The following CA10 variants were observed in gnomAD, a reference collection of about 807,000 sequenced individuals.
CA10 encodes the protein carbonic anhydrase 10 (inactive).
A neutral mutation model predicts 44.2 loss-of-function variants in CA10; 14 were observed. The ratio of observed to expected loss-of-function variants is 0.32; its 90% CI spans 0.21 to 0.50. The LOEUF is 0.50. Ranked by LOEUF, CA10 falls within the 20% of genes least tolerant of loss-of-function variation. The pLI, the probability that CA10 is intolerant of heterozygous loss-of-function variation, is 0.99. For missense variants in CA10, 350 were observed against 409.7 expected, an observed-to-expected ratio of 0.85 and a Z score of 1.26; for synonymous variants, 159 against 141.6, an observed-to-expected ratio of 1.12 and a Z score of -0.87.
intron 3 of CA10, among the ~76,000 whole-genome samples, chr17:51,821,768 A>G (rs150070130): frequency 0.013 from 1,968 of 152,154 alleles, 69 homozygotes; most frequent in African/African-American, 0.045. Flanking sequence ...CCTGAAGACT[A>G]CTTAATACCA....
chr17:51,951,572 A>G (rs1229249756), intron 2 of CA10, among the ~76,000 whole-genome samples: 1 of 152,226 alleles, frequency 6.6e-6, no homozygotes, highest in Non-Finnish European at 1.5e-5. Context: ...ATTTTTTAAA[A>G]AAATGACAAA....
At chr17:52,038,698 G>C in intron 2 of CA10, among the ~76,000 whole-genome samples, 1 of 152,170 alleles carries the variant, frequency 6.6e-6, no homozygotes, top group Non-Finnish European at 1.5e-5. Context: ...TATTTTGCAG[G>C]CATTTTGCAA....
intron 2 of CA10, among the ~76,000 whole-genome samples, chr17:52,054,344 T>C (rs1987164000): frequency 1.3e-5 from 2 of 152,010 alleles, no homozygotes; most frequent in African/African-American, 4.8e-5. Context: ...ATGAGGAAAT[T>C]CCCGCCTAAT....
At chr17:51,725,545 C>T (rs1409802229) in intron 4 of CA10, among the ~76,000 whole-genome samples, 1 of 152,182 alleles carries the variant, frequency 6.6e-6, no homozygotes, top group Non-Finnish European at 1.5e-5. Context: ...TCCACACATC[C>T]CTAGGATGTG....
At chr17:51,803,986 C>T (rs993356248) in intron 3 of CA10, among the ~76,000 whole-genome samples, 16 of 152,140 alleles carry the variant, frequency 1.1e-4, no homozygotes, top group Non-Finnish European at 2.2e-4. Flanking sequence ...ACTCACTGGC[C>T]GTGTGATCTT....
At chr17:51,771,158 T>G (rs1330316144) in intron 3 of CA10, among the ~76,000 whole-genome samples, 1 of 134,362 alleles carries the variant, frequency 7.4e-6, no homozygotes, top group East Asian at 2.4e-4. Flanking sequence ...AGACCAGATC[T>G]CCTGTGAACC....
intron 4 of CA10, among the ~76,000 whole-genome samples, chr17:51,717,437 G>A (rs1331574003): frequency 1.3e-5 from 2 of 150,222 alleles, no homozygotes; most frequent in Non-Finnish European, 3.0e-5. Flanking sequence ...AAAGATACTT[G>A]TGCACGCATA....
At chr17:52,004,970 T>C (rs1365622614) in intron 2 of CA10, among the ~76,000 whole-genome samples, 4 of 151,842 alleles carry the variant, frequency 2.6e-5, no homozygotes, top group African/African-American at 9.7e-5. Flanking sequence ...CCTCAAGTCA[T>C]AAACTTGTCT....
intron 4 of CA10, among the ~76,000 whole-genome samples, chr17:51,664,294 T>C (rs1467699958): frequency 6.6e-6 from 1 of 152,164 alleles, no homozygotes; most frequent in Non-Finnish European, 1.5e-5. Flanking sequence ...TTTACGATCA[T>C]ATATGCAAAA....
At chr17:52,031,756 T>G (rs1407499769) in intron 2 of CA10, among the ~76,000 whole-genome samples, 1 of 152,216 alleles carries the variant, frequency 6.6e-6, no homozygotes, top group Non-Finnish European at 1.5e-5. Flanking sequence ...TAATTAATGC[T>G]AATATCTTCT....
intron 2 of CA10, among the ~76,000 whole-genome samples, chr17:52,043,792 T>C (rs1986834369): frequency 6.6e-6 from 1 of 152,182 alleles, no homozygotes. Context: ...CAAATGCTTT[T>C]TCCCCATCTA....
intron 4 of CA10, among the ~76,000 whole-genome samples, chr17:51,705,363 C>G (rs1915730959): frequency 6.6e-6 from 1 of 152,180 alleles, no homozygotes. Context: ...CAAACCCCAA[C>G]CCTGAACCAT....
chr17:52,042,333 C>T (rs561004189), intron 2 of CA10, among the ~76,000 whole-genome samples: 3 of 151,826 alleles, frequency 2.0e-5, no homozygotes, highest in Non-Finnish European at 4.4e-5. Context: ...TTGCATTTCT[C>T]TTATGATTAA....
At chr17:51,744,522 A>G (rs972700577) in intron 4 of CA10, among the ~76,000 whole-genome samples, 6 of 152,126 alleles carry the variant, frequency 3.9e-5, no homozygotes, top group Admixed American at 2.6e-4. Flanking sequence ...AGACAAAAGA[A>G]TTGATTGAGC....
At chr17:51,755,640 C>T (rs535977642) in intron 3 of CA10, among the ~76,000 whole-genome samples, 2 of 152,234 alleles carry the variant, frequency 1.3e-5, no homozygotes, top group African/African-American at 4.8e-5. Context: ...GCCTATCTGA[C>T]GTGTACAGGA....
intron 3 of CA10, among the ~76,000 whole-genome samples, chr17:51,760,362 A>G (rs1310747207): frequency 1.3e-5 from 2 of 152,194 alleles, no homozygotes; most frequent in Admixed American, 6.5e-5. Flanking sequence ...CTCTCTCACT[A>G]TGACTGCTGT....
Position 51,848,610 on chromosome 17 carries a change from CA to C in CA10, c.279+82379del, listed in dbSNP as rs1978604990. Among the ~76,000 whole-genome samples the C allele has an allele frequency of 2.0e-5, 3 of 152,220 alleles. No individual in the cohort carries two copies. The South Asian group carries it at 6.2e-4, about 32-fold the overall frequency. ...CATTGATTCACTCCAAAATGTTCAG[CA>C]AGCACCTCCTCTGAGTGTGCCCAAT... is the stretch of plus-strand genomic sequence containing the variant. On this transcript the variant is annotated intron_variant, in intron 3 of 8. Coordinates refer to ENST00000451037, the MANE Select transcript of CA10 (RefSeq NM_020178.5).
chr17:52,063,134 G>T (rs1194302560), intron 2 of CA10, among the ~76,000 whole-genome samples: 1 of 152,214 alleles, frequency 6.6e-6, no homozygotes, highest in African/African-American at 2.4e-5. Context: ...AGACTTCCAT[G>T]AAGACTGCTT....
At chr17:52,053,146 C>T (rs1018693465) in intron 2 of CA10, among the ~76,000 whole-genome samples, 9 of 152,100 alleles carry the variant, frequency 5.9e-5, no homozygotes, top group Admixed American at 5.9e-4. Flanking sequence ...AAATAGATTT[C>T]ACCAACTTGT....
Sources: allele counts gnomAD v4.1 joint callset (sites outside exome capture counted in the v4.1 genomes callset), GRCh38; gene constraint gnomAD v4.1.1; transcripts MANE v1.5; gene names NCBI Gene and HGNC (gene_info 2026-07-23, HGNC 2026-07-21).